The following SNAPC1 variants were observed in gnomAD, a reference collection of about 807,000 sequenced individuals.
SNAPC1 encodes the protein small nuclear RNA activating complex polypeptide 1.
A neutral mutation model predicts 50.1 loss-of-function variants in SNAPC1; 42 were observed. That is an observed-to-expected ratio of 0.84 (90% CI 0.65 to 1.08). SNAPC1 has a LOEUF of 1.08. SNAPC1 is among the 50% of genes least tolerant of loss of function. The pLI is 0.00. For missense variants in SNAPC1, 477 were observed against 427.3 expected (o/e 1.12, Z -1.02); for synonymous variants, 164 against 144.2 (o/e 1.14, Z -0.98).
intron 1 of SNAPC1, among the ~76,000 whole-genome samples, chr14:61,764,566 T>A (rs1266012597): frequency 6.6e-6 from 1 of 152,180 alleles, no homozygotes; most frequent in Non-Finnish European, 1.5e-5. Flanking sequence ...CTTAAAGAGG[T>A]TAAGTAATTT....
At chr14:61,784,874 G>A (rs2045104427) in intron 8 of SNAPC1, among the ~76,000 whole-genome samples, 1 of 152,058 alleles carries the variant, frequency 6.6e-6, no homozygotes, top group Non-Finnish European at 1.5e-5. Context: ...AGAGTGAAGG[G>A]AGATATGACA....
rs72091048 is a variant in SNAPC1 at position 61,770,234 on chromosome 14, CT to C, written c.534+1511del. On this transcript the variant is annotated intron_variant, in intron 4 of 9. Transcript: ENST00000216294. ...ATGTTTGTTTAGATGCCCCCATGTT[CT>C]TTTTTTTTTTTTTTTTCTTGTCCCT... 2.9e-3 allele frequency among the ~76,000 whole-genome samples: 384 copies of C among 133,894 alleles called. 1 individual carries two copies. Among genetic ancestry groups the C allele is most frequent in the African/African-American group, 5.8e-3 (207 of 35,926 alleles). 87.8% of individuals were successfully genotyped at this position (133,894 alleles called of 152,430 possible).
chr14:61,763,634 C>G (rs1363540435), intron 1 of SNAPC1, among the ~76,000 whole-genome samples: 2 of 151,868 alleles, frequency 1.3e-5, no homozygotes, highest in Admixed American at 6.6e-5. Flanking sequence ...TTTTGCTCTT[C>G]TAGACTGAGT....
chr14:61,769,280 C>T (rs1480910036), intron 4 of SNAPC1, among the ~76,000 whole-genome samples: 3 of 151,866 alleles, frequency 2.0e-5, no homozygotes, highest in Non-Finnish European at 2.9e-5. Context: ...ATCACAAACC[C>T]CAGAGGTAGA....
At chr14:61,786,999 C>G (rs935459728) in intron 8 of SNAPC1, among the ~76,000 whole-genome samples, 4 of 152,220 alleles carry the variant, frequency 2.6e-5, no homozygotes, top group African/African-American at 7.2e-5. Flanking sequence ...ATAGATGAAT[C>G]TGAATTCAGT....
intron 1 of SNAPC1, among the ~76,000 whole-genome samples, chr14:61,765,021 C>T (rs1390569108): frequency 2.0e-5 from 3 of 152,088 alleles, no homozygotes; most frequent in Non-Finnish European, 4.4e-5. Flanking sequence ...ATTAGTCACT[C>T]GCATCAACAC....
At chr14:61,763,424 C>T (rs2044922934) in intron 1 of SNAPC1, among the ~76,000 whole-genome samples, 1 of 151,522 alleles carries the variant, frequency 6.6e-6, no homozygotes, top group Admixed American at 6.6e-5. Context: ...TGGCCTTTGC[C>T]TATCTCTCCA....
intron 9 of SNAPC1, 78 bp downstream of exon 9, chr14:61,792,980 G>A (rs1271483935): frequency 4.5e-6 from 3 of 665,846 alleles, no homozygotes; most frequent in South Asian, 2.1e-5. Flanking sequence ...AACCCTTGAG[G>A]AACATGACAG....
rs1017849938 is a variant in SNAPC1 at position 61,768,546 on chromosome 14, A to G, written c.430-90A>G. On this transcript the variant is annotated intron_variant, in intron 3 of 9. Transcript: ENST00000216294. Reference sequence around the variant, plus strand: ...TTTTGTTTTATCTGTGTTTACTTATAGACAATTTTTAGTGCTGGCTTATAT... The same window carrying G: ...TTTTGTTTTATCTGTGTTTACTTATGGACAATTTTTAGTGCTGGCTTATAT... 4.3e-6 allele frequency: 3 copies of G among 691,418 alleles called. No individual in the cohort carries two copies. The African/African-American group carries it at 5.4e-5, about 12-fold the overall frequency. The allele number at this position is 691,418 out of a possible 1,614,324, so 42.8% of individuals were successfully genotyped here. A position where few individuals can be genotyped will look rare whatever the true frequency, so the allele number is the denominator to read the frequency against.
intron 1 of SNAPC1, among the ~76,000 whole-genome samples, chr14:61,763,261 G>C (rs1362933029): frequency 2.6e-5 from 4 of 151,716 alleles, no homozygotes; most frequent in Admixed American, 2.6e-4. Context: ...AAAGCGCTAG[G>C]ATTACAGGAG....
chr14:61,773,117 T>C (rs2045005607), intron 4 of SNAPC1, among the ~76,000 whole-genome samples: 1 of 152,230 alleles, frequency 6.6e-6, no homozygotes, highest in Non-Finnish European at 1.5e-5. Flanking sequence ...ATTCTGGTCA[T>C]GATTCTGCCA....
chr14:61,795,291 CCTA>C lies in SNAPC1; in HGVS notation c.*309_*311del, dbSNP rs2045181265. The C allele has an allele frequency of 4.6e-6, 1 of 216,380 alleles. No homozygotes were observed. Among genetic ancestry groups the C allele is most frequent in the African/African-American group, 2.3e-5 (1 of 43,624 alleles). 13.4% of individuals were successfully genotyped at this position (216,380 alleles called of 1,614,324 possible). On this transcript the variant is annotated 3_prime_UTR_variant, in exon 10 of 10. Coordinates refer to ENST00000216294, the MANE Select transcript of SNAPC1 (RefSeq NM_003082.4). ...ATAAGGTTTTGTGATACTATACTGT[CCTA>C]ATACAGTCTGGTAATACTATTCTAT...
chr14:61,765,470 T>G (rs1455448520), intron 1 of SNAPC1, among the ~76,000 whole-genome samples: 1 of 152,188 alleles, frequency 6.6e-6, no homozygotes, highest in African/African-American at 2.4e-5. Context: ...GTACGTTGGT[T>G]CGTTCTGGAA....
At chr14:61,774,441 C>T (rs1001383195) in intron 4 of SNAPC1, among the ~76,000 whole-genome samples, 38 of 152,080 alleles carry the variant, frequency 2.5e-4, no homozygotes, top group African/African-American at 7.5e-4. Flanking sequence ...GGGACTTCCC[C>T]ATTGTCATCC....
At chr14:61,792,290 C>T (rs2045157699) in intron 8 of SNAPC1, among the ~76,000 whole-genome samples, 1 of 152,058 alleles carries the variant, frequency 6.6e-6, no homozygotes, top group Admixed American at 6.5e-5. Context: ...CTTCAGGTAA[C>T]AGAAGGTTGA....
intron 4 of SNAPC1, among the ~76,000 whole-genome samples, chr14:61,773,524 A>T (rs2045010637): frequency 6.8e-6 from 1 of 147,890 alleles, no homozygotes; most frequent in Non-Finnish European, 1.5e-5. Context: ...CCTGCTGAGT[A>T]GATGGGACCA....
chr14:61,782,452 A>C, intron 8 of SNAPC1, 55 bp downstream of exon 8: 1 of 1,391,416 alleles, frequency 7.2e-7, no homozygotes, highest in Non-Finnish European at 9.8e-7. Context: ...TTTTATTTAC[A>C]ACTTTGCCTC....
At chr14:61,776,283 A>T in intron 5 of SNAPC1, 30 bp downstream of exon 5, 1 of 1,582,520 alleles carries the variant, frequency 6.3e-7, no homozygotes, top group East Asian at 2.2e-5. Context: ...GTGCCTCACC[A>T]TTGTATTTTA....
intron 9 of SNAPC1, among the ~76,000 whole-genome samples, chr14:61,793,337 A>C (rs2045166047): frequency 6.6e-6 from 1 of 151,816 alleles, no homozygotes; most frequent in South Asian, 2.1e-4. Flanking sequence ...TCCCCGGCTC[A>C]GGCTATCCTC....
Sources: allele counts gnomAD v4.1 joint callset (sites outside exome capture counted in the v4.1 genomes callset), GRCh38; gene constraint gnomAD v4.1.1; transcripts MANE v1.5; gene names NCBI Gene and HGNC (gene_info 2026-07-23, HGNC 2026-07-21).